The following CCBE1 variants were observed in gnomAD, a reference collection of about 807,000 sequenced individuals.
CCBE1 encodes the protein collagen and calcium-binding EGF domain-containing protein 1.
A neutral mutation model predicts 50.0 loss-of-function variants in CCBE1; 37 were observed. The ratio of observed to expected loss-of-function variants is 0.74; its 90% CI spans 0.57 to 0.97. The LOEUF (loss-of-function observed/expected upper bound fraction) is 0.97, where lower values mean the gene tolerates loss of function less well. Among genes scored for constraint, CCBE1 ranks in the 50% least tolerant of loss-of-function variants. The pLI, the probability that CCBE1 is intolerant of heterozygous loss-of-function variation, is 0.00. For missense variants in CCBE1, 538 were observed against 523.8 expected, an observed-to-expected ratio of 1.03 and a Z score of -0.26; for synonymous variants, 234 against 203.7, an observed-to-expected ratio of 1.15 and a Z score of -1.27.
At chr18:59,504,536 G>A (rs982382651) in intron 2 of CCBE1, among the ~76,000 whole-genome samples, 2 of 152,080 alleles carry the variant, frequency 1.3e-5, no homozygotes, top group African/African-American at 4.8e-5. Context: ...TCCACTGACA[G>A]TGTCTTTGTG....
intron 2 of CCBE1, among the ~76,000 whole-genome samples, chr18:59,612,667 T>A (rs1441517972): frequency 2.0e-5 from 3 of 152,176 alleles, no homozygotes; most frequent in African/African-American, 7.2e-5. Flanking sequence ...CAATAAGTAA[T>A]GGAGCCAAGA....
intron 2 of CCBE1, among the ~76,000 whole-genome samples, chr18:59,648,357 CCT>C (rs1054929759): frequency 3.2e-4 from 48 of 152,270 alleles, no homozygotes; most frequent in African/African-American, 1.1e-3. Context: ...CTCACAGAAC[CCT>C]GTGACAGACT....
chr18:59,560,994 A>G (rs1172022354), intron 2 of CCBE1, among the ~76,000 whole-genome samples: 2 of 152,212 alleles, frequency 1.3e-5, no homozygotes, highest in African/African-American at 4.8e-5. Flanking sequence ...GCCTTCACTG[A>G]TAGGAAGAGC....
chr18:59,533,594 GAATAA>G (rs1487600256), intron 2 of CCBE1, among the ~76,000 whole-genome samples: 4 of 152,022 alleles, frequency 2.6e-5, no homozygotes, highest in Non-Finnish European at 5.9e-5. Context: ...ATTTTATTGT[GAATAA>G]AATACACATA....
At chr18:59,520,622 A>G (rs1568184262) in intron 2 of CCBE1, among the ~76,000 whole-genome samples, 2 of 152,392 alleles carry the variant, frequency 1.3e-5, no homozygotes, top group East Asian at 1.9e-4. Context: ...GCCTGCACAC[A>G]CACATGCCAA....
chr18:59,529,178 C>A (rs1157042818), intron 2 of CCBE1, among the ~76,000 whole-genome samples: 14 of 66,434 alleles, frequency 2.1e-4, no homozygotes, highest in African/African-American at 8.7e-4. Context: ...TTGCTGAAAT[C>A]CCCACAGGGA....
At chr18:59,563,573 T>C (rs546406057) in intron 2 of CCBE1, 1 of 152,332 alleles carries the variant, frequency 6.6e-6, no homozygotes, top group African/African-American at 2.4e-5. Flanking sequence ...GCAAGGCCCC[T>C]GCTGGTATAA....
At chr18:59,481,297 A>G (rs1474816848) in intron 2 of CCBE1, among the ~76,000 whole-genome samples, 1 of 150,426 alleles carries the variant, frequency 6.6e-6, no homozygotes, top group East Asian at 1.9e-4. Flanking sequence ...GAAAGAGAAA[A>G]AAAGACTTAA....
At chr18:59,510,363 T>C (rs889956668) in intron 2 of CCBE1, among the ~76,000 whole-genome samples, 8 of 152,208 alleles carry the variant, frequency 5.3e-5, no homozygotes, top group Non-Finnish European at 1.2e-4. Flanking sequence ...ACTGAGACAT[T>C]ATCAATTGTA....
intron 2 of CCBE1, among the ~76,000 whole-genome samples, chr18:59,638,202 G>A (rs887545903): frequency 6.6e-6 from 1 of 152,178 alleles, no homozygotes; most frequent in Non-Finnish European, 1.5e-5. Flanking sequence ...AATAAAATTT[G>A]ACAGTGATTT....
At chr18:59,502,543 T>C (rs1913672827) in intron 2 of CCBE1, among the ~76,000 whole-genome samples, 2 of 152,200 alleles carry the variant, frequency 1.3e-5, no homozygotes, top group African/African-American at 2.4e-5. Context: ...GCCTTGTACA[T>C]GGCACACTTT....
At chr18:59,613,549 G>C (rs1167204193) in intron 2 of CCBE1, among the ~76,000 whole-genome samples, 1 of 152,082 alleles carries the variant, frequency 6.6e-6, no homozygotes, top group Non-Finnish European at 1.5e-5. Context: ...CAGAAATTTT[G>C]TATGTTCCAT....
chr18:59,559,114 T>C (rs1009772865), intron 2 of CCBE1, among the ~76,000 whole-genome samples: 7 of 152,314 alleles, frequency 4.6e-5, no homozygotes, highest in African/African-American at 9.6e-5. Flanking sequence ...TGGTACTCAG[T>C]GGCAGTGGTG....
At chr18:59,575,345 A>G (rs539130969) in intron 2 of CCBE1, among the ~76,000 whole-genome samples, 36 of 152,068 alleles carry the variant, frequency 2.4e-4, no homozygotes, top group African/African-American at 8.4e-4. Flanking sequence ...GGTGTGGATC[A>G]CAGGGCAAAA....
rs1910750113 is a variant in CCBE1, at chr18:59,447,843, G to A, written c.775+140C>T. 1.1e-5 allele frequency: 14 copies of A among 1,259,544 alleles called. No individual in the cohort carries two copies. In the East Asian group the frequency reaches 2.8e-4, roughly 25 times the overall value. The allele number at this position is 1,259,544 out of a possible 1,614,324, so 78.0% of individuals were successfully genotyped here. ...TTTCCCAGGCTCTCTCATTGCATGG[G>A]TGTGTGGCAGTCCCATGGACACCTG... On this transcript the variant is annotated intron_variant, in intron 7 of 10. Coordinates refer to ENST00000439986, the MANE Select transcript of CCBE1 (RefSeq NM_133459.4).
chr18:59,486,271 A>G (rs890875977), intron 2 of CCBE1, among the ~76,000 whole-genome samples: 3 of 152,226 alleles, frequency 2.0e-5, no homozygotes, highest in Non-Finnish European at 4.4e-5. Context: ...ACAACAAGCA[A>G]ATGGCAAAAG....
chr18:59,473,828 C>G (rs1393767996), intron 3 of CCBE1, among the ~76,000 whole-genome samples: 2 of 126,132 alleles, frequency 1.6e-5, no homozygotes, highest in African/African-American at 6.1e-5. Flanking sequence ...CCCTACTACT[C>G]ACCTTCCAAC....
At chr18:59,592,905 T>A (rs1466686647) in intron 2 of CCBE1, among the ~76,000 whole-genome samples, 1 of 150,842 alleles carries the variant, frequency 6.6e-6, no homozygotes, top group Non-Finnish European at 1.5e-5. Context: ...GTAAGGGGGG[T>A]TTAAAAATAA....
intron 2 of CCBE1, among the ~76,000 whole-genome samples, chr18:59,669,908 C>T (rs529049637): frequency 1.3e-5 from 2 of 152,290 alleles, no homozygotes; most frequent in African/African-American, 4.8e-5. Flanking sequence ...GTGTGTAGCA[C>T]AGAATAGGCA....
Sources: allele counts gnomAD v4.1 joint callset (sites outside exome capture counted in the v4.1 genomes callset), GRCh38; gene constraint gnomAD v4.1.1; transcripts MANE v1.5; gene names NCBI Gene and HGNC (gene_info 2026-07-23, HGNC 2026-07-21).